Variants in MARK4 observed in about 807,000 individuals in gnomAD.
MARK4 encodes microtubule affinity regulating kinase 4, also known as MAP/microtubule affinity-regulating kinase 4.
In MARK4, 19 loss-of-function variants were observed where a neutral mutation model predicts 81.5. The observed-to-expected ratio is 0.23, with a 90% CI of 0.16 to 0.34. The LOEUF is 0.34. MARK4 is among the 10% of genes least tolerant of loss of function. The pLI is 1.00. For missense variants in MARK4, 772 were observed against 1,058.8 expected, an observed-to-expected ratio of 0.73 and a Z score of 3.76; for synonymous variants, 436 against 439.0, an observed-to-expected ratio of 0.99 and a Z score of 0.08.
At chr19:45,301,539 A>G (rs1280013291) in intron 16 of MARK4, among the ~76,000 whole-genome samples, 1 of 135,794 alleles carries the variant, frequency 7.4e-6, no homozygotes, top group Admixed American at 7.7e-5. Flanking sequence ...CCTGGGCGAC[A>G]AGAGCGAAAC....
chr19:45,265,189 C>T (rs918698882), intron 6 of MARK4, among the ~76,000 whole-genome samples: 3 of 152,084 alleles, frequency 2.0e-5, no homozygotes, highest in Non-Finnish European at 4.4e-5. Context: ...TGTGGGTGTG[C>T]CCAGCGCGTA....
chr19:45,280,632 G>C lies in MARK4; in HGVS notation c.1174G>C (p.Asp392His), dbSNP rs562431271. 6.2e-7 allele frequency: 1 copy of C among 1,614,104 alleles called. No individual in the cohort carries two copies. Among genetic ancestry groups the C allele is most frequent in the Admixed American group, 1.7e-5 (1 of 60,016 alleles). ...LALARVRAPS[D>H]TTNGTSSSKG... ...CCTGGCACGGGTGCGGGCGCCCAGC[G>C]ACACCACCAACGGAACAAGTTCCAG... Residue 392 changes from aspartate to histidine, a missense_variant, in exon 12 of 17, where the codon GAC becomes CAC. This residue lies in a region of MARK4 where 548 missense variants were observed against 624.3 expected (regional missense o/e 0.88). Transcript: ENST00000262891.
At chr19:45,264,998 C>A in intron 6 of MARK4, 88 bp downstream of exon 6, 2 of 1,335,678 alleles carry the variant, frequency 1.5e-6, no homozygotes, top group Non-Finnish European at 1.1e-6. Flanking sequence ...GGCTGTCCAG[C>A]GACCTGGGGG....
At chr19:45,282,336 T>A (rs1970686605) in intron 12 of MARK4, among the ~76,000 whole-genome samples, 1 of 152,118 alleles carries the variant, frequency 6.6e-6, no homozygotes, top group South Asian at 2.1e-4. Context: ...CCCTCTCTTC[T>A]ATTTTTTTTA....
intron 8 of MARK4, among the ~76,000 whole-genome samples, chr19:45,273,394 G>A (rs1256529259): frequency 1.3e-5 from 2 of 152,084 alleles, no homozygotes; most frequent in East Asian, 1.9e-4. Context: ...TGAGACCAGG[G>A]GCGTTTTCCT....
intron 7 of MARK4, among the ~76,000 whole-genome samples, chr19:45,267,234 T>C (rs1970467456): frequency 1.3e-5 from 2 of 152,088 alleles, no homozygotes; most frequent in African/African-American, 2.4e-5. Context: ...ATTTTTGTAT[T>C]TTTAGTAGAG....
At chr19:45,280,792 AGTTACG>A in intron 12 of MARK4, 58 bp downstream of exon 12, 3 of 1,594,938 alleles carry the variant, frequency 1.9e-6, no homozygotes, top group Non-Finnish European at 2.6e-6. Context: ...CCAGACTTAC[AGTTACG>A]TCAGGGTTCT....
chr19:45,291,618 T>C (rs1599800632), intron 13 of MARK4, among the ~76,000 whole-genome samples: 1 of 151,972 alleles, frequency 6.6e-6, no homozygotes, highest in African/African-American at 2.4e-5. Context: ...CCATCTCTAC[T>C]AAAAATACAA....
intron 1 of MARK4, among the ~76,000 whole-genome samples, chr19:45,253,495 A>G (rs12981533): frequency 0.26 from 38,868 of 151,948 alleles, 5,175 homozygotes; most frequent in Non-Finnish European, 0.29. Context: ...GAGTGCCTCC[A>G]AGGCTTACTC....
intron 1 of MARK4, among the ~76,000 whole-genome samples, chr19:45,252,033 C>T (rs1970249957): frequency 6.6e-6 from 1 of 152,118 alleles, no homozygotes; most frequent in Non-Finnish European, 1.5e-5. Context: ...CCCCCAAGGC[C>T]CGGCCCTGGC....
chr19:45,254,573 G>T (rs1479100943), intron 1 of MARK4, among the ~76,000 whole-genome samples: 1 of 152,226 alleles, frequency 6.6e-6, no homozygotes, highest in Non-Finnish European at 1.5e-5. Context: ...TGTGACCTTG[G>T]GGGAGGGACT....
Position 45,271,334 on chromosome 19 carries a change from A to G in MARK4, c.550-138A>G, listed in dbSNP as rs1001125853. ...TGAGGTAAAGTTACTACCTAAGGTCAGGTAGAGAGTAAAGGACAGGCCCAA... is the reference window on the plus strand; with the variant it reads ...TGAGGTAAAGTTACTACCTAAGGTCGGGTAGAGAGTAAAGGACAGGCCCAA... On this transcript the variant is annotated intron_variant, in intron 7 of 16. Transcript: ENST00000262891. This position sits in a 1 kb window ranked among gnomAD's most constrained non-coding sequence, Gnocchi z 4.1. The G allele has an allele frequency of 2.6e-6, 2 of 762,322 alleles. No homozygotes were observed. The highest frequency in any genetic ancestry group is 3.5e-5 in the African/African-American group (2 of 57,496). 47.2% of individuals were successfully genotyped at this position (762,322 alleles called of 1,614,324 possible).
intron 8 of MARK4, among the ~76,000 whole-genome samples, chr19:45,277,594 T>TCCC (rs1568496605): frequency 6.6e-6 from 1 of 151,992 alleles, no homozygotes; most frequent in African/African-American, 2.4e-5. Flanking sequence ...AGATGAGGTC[T>TCCC]CCCTGTGTTG....
rs1403678694 is a variant in MARK4 at position 45,264,915 on chromosome 19, G to A, written c.492+5G>A. 1.2e-6 allele frequency: 2 copies of A among 1,614,064 alleles called. No homozygotes were observed. Among genetic ancestry groups the A allele is most frequent in the Non-Finnish European group, 1.7e-6 (2 of 1,179,960 alleles). On this transcript the variant is annotated splice_donor_5th_base_variant and intron_variant, in intron 6 of 16. Transcript: ENST00000262891. ...GCTCGAGCCAAGTTCCGACAGGTTG[G>A]GGCAGGGCTGAGGGTGGGGCTGACT...
chr19:45,277,382 A>G (rs1304946706), intron 8 of MARK4, among the ~76,000 whole-genome samples: 2 of 151,830 alleles, frequency 1.3e-5, no homozygotes, highest in African/African-American at 2.4e-5. Context: ...CTGGCCAGAT[A>G]ATAAACTTTC....
chr19:45,300,445 G>A (rs1970954401), intron 16 of MARK4, among the ~76,000 whole-genome samples: 1 of 147,558 alleles, frequency 6.8e-6, no homozygotes, highest in Admixed American at 6.9e-5. Context: ...TCCAGTCATG[G>A]CACAATGTTT....
chr19:45,270,702 C>T (rs1238804839), intron 7 of MARK4, among the ~76,000 whole-genome samples: 1 of 152,126 alleles, frequency 6.6e-6, no homozygotes, highest in Non-Finnish European at 1.5e-5. Context: ...CAGGTTCAAG[C>T]AATTTTTGTG....
chr19:45,292,912 A>C (rs923544493), intron 13 of MARK4, among the ~76,000 whole-genome samples: 1 of 152,060 alleles, frequency 6.6e-6, no homozygotes, highest in Non-Finnish European at 1.5e-5. Context: ...AGAATAAATC[A>C]GTGAAGGAGA....
At chr19:45,287,870 A>G (rs369769536) in intron 13 of MARK4, 35 of 644,468 alleles carry the variant, frequency 5.4e-5, no homozygotes, top group African/African-American at 3.2e-4. Flanking sequence ...CGTATAAATT[A>G]GTGTTCTGTG....
Sources: allele counts gnomAD v4.1 joint callset (sites outside exome capture counted in the v4.1 genomes callset), GRCh38; gene constraint gnomAD v4.1.1; regional missense constraint gnomAD v4.1.1; non-coding constraint Gnocchi (gnomAD v3.1); transcripts MANE v1.5; gene names NCBI Gene and HGNC (gene_info 2026-07-23, HGNC 2026-07-21).